The following SCHIP1 variants were observed in gnomAD, a reference collection of about 807,000 sequenced individuals.
SCHIP1 encodes schwannomin-interacting protein 1.
SCHIP1 carries 8 observed loss-of-function variants against 29.7 expected under a neutral mutation model. The observed-to-expected ratio is 0.27, with a 90% CI of 0.16 to 0.49. SCHIP1 has a LOEUF of 0.49. Among genes scored for constraint, SCHIP1 ranks in the 20% least tolerant of loss-of-function variants. The pLI is 0.99. For synonymous variants in SCHIP1, 76 were observed against 94.9 expected (o/e 0.80, Z 1.16); for missense variants, 193 against 294.6 (o/e 0.66, Z 2.52).
At chr3:159,356,816 C>T in the SCHIP1 span, among the ~76,000 whole-genome samples, 1 of 152,164 alleles carries the variant, frequency 6.6e-6, no homozygotes, top group African/African-American at 2.4e-5. Context: ...ACAGATAGAA[C>T]AGAGCTTTCA....
chr3:159,821,963 T>A, the SCHIP1 span, among the ~76,000 whole-genome samples: 1 of 152,214 alleles, frequency 6.6e-6, no homozygotes, highest in African/African-American at 2.4e-5. Flanking sequence ...GACAAAGAGA[T>A]GATTCGGTCC....
chr3:159,511,611 G>A, the SCHIP1 span, among the ~76,000 whole-genome samples: 3 of 152,158 alleles, frequency 2.0e-5, no homozygotes, highest in South Asian at 2.1e-4. Context: ...TCTTGGAACC[G>A]CACCCTGAGC....
At chr3:159,655,090 T>C in the SCHIP1 span, among the ~76,000 whole-genome samples, 47 of 152,350 alleles carry the variant, frequency 3.1e-4, no homozygotes, top group African/African-American at 1.1e-3. Flanking sequence ...CTCCCAGCTC[T>C]ACCATTTATT....
the SCHIP1 span, among the ~76,000 whole-genome samples, chr3:159,404,328 C>T: frequency 3.3e-5 from 5 of 152,116 alleles, no homozygotes; most frequent in African/African-American, 4.8e-5. Flanking sequence ...ACCAAGTGGA[C>T]TCTTGGGATG....
At chr3:159,616,037 T>G in the SCHIP1 span, among the ~76,000 whole-genome samples, 2 of 152,190 alleles carry the variant, frequency 1.3e-5, no homozygotes, top group Non-Finnish European at 2.9e-5. Context: ...AACCTAGAGT[T>G]GCTTCTCTTT....
chr3:159,786,956 G>A, the SCHIP1 span, among the ~76,000 whole-genome samples: 3 of 152,244 alleles, frequency 2.0e-5, no homozygotes, highest in African/African-American at 4.8e-5. Context: ...CACAGTAAGC[G>A]AGTCTGAGTA....
At chr3:159,883,214 CCTT>C (rs1716622368) in intron 2 of SCHIP1, among the ~76,000 whole-genome samples, 1 of 152,136 alleles carries the variant, frequency 6.6e-6, no homozygotes. Context: ...GAATTGGATA[CCTT>C]GAAATTATAT....
chr3:159,520,083 C>A, the SCHIP1 span, among the ~76,000 whole-genome samples: 1 of 145,254 alleles, frequency 6.9e-6, no homozygotes, highest in African/African-American at 2.6e-5. Context: ...AAGACACAAT[C>A]TCCCTCATCA....
At chr3:159,300,227 G>A in the SCHIP1 span, among the ~76,000 whole-genome samples, 1 of 145,566 alleles carries the variant, frequency 6.9e-6, no homozygotes, top group East Asian at 2.1e-4. Flanking sequence ...CTGGACTCAA[G>A]GAATCCTCCT....
the SCHIP1 span, among the ~76,000 whole-genome samples, chr3:159,834,656 T>G: frequency 6.6e-6 from 1 of 152,208 alleles, no homozygotes; most frequent in Non-Finnish European, 1.5e-5. Flanking sequence ...TCTGAAATGC[T>G]GCAAAGTCCC....
At chr3:159,514,544 T>C in the SCHIP1 span, among the ~76,000 whole-genome samples, 2 of 152,254 alleles carry the variant, frequency 1.3e-5, no homozygotes, top group African/African-American at 2.4e-5. Flanking sequence ...TCATTGCCGA[T>C]GAAGAAGTGC....
chr3:159,507,795 C>T, the SCHIP1 span, among the ~76,000 whole-genome samples: 2 of 152,176 alleles, frequency 1.3e-5, no homozygotes, highest in Non-Finnish European at 2.9e-5. Flanking sequence ...GTTGAACCAG[C>T]CTTGCATCCC....
At chr3:159,819,889 C>T in the SCHIP1 span, among the ~76,000 whole-genome samples, 9 of 152,266 alleles carry the variant, frequency 5.9e-5, no homozygotes, top group Admixed American at 5.9e-4. Context: ...TTCCTGTCAC[C>T]CTTAGGTGAG....
the SCHIP1 span, among the ~76,000 whole-genome samples, chr3:159,788,716 A>G: frequency 6.6e-6 from 1 of 152,216 alleles, no homozygotes; most frequent in African/African-American, 2.4e-5. Context: ...ATACAGTGCT[A>G]AAAATAAAAA....
At chr3:159,794,604 C>T in the SCHIP1 span, among the ~76,000 whole-genome samples, 3 of 152,318 alleles carry the variant, frequency 2.0e-5, no homozygotes, top group Non-Finnish European at 4.4e-5. Flanking sequence ...GAACTCACCT[C>T]TAGTGGTCAG....
chr3:159,875,059 C>G (rs1034137823), intron 2 of SCHIP1, among the ~76,000 whole-genome samples: 8 of 150,582 alleles, frequency 5.3e-5, no homozygotes, highest in African/African-American at 2.0e-4. Context: ...TTATGCCCCT[C>G]CTCTAAGGAT....
the SCHIP1 span, among the ~76,000 whole-genome samples, chr3:159,478,198 C>T: frequency 3.3e-5 from 5 of 152,142 alleles, no homozygotes; most frequent in African/African-American, 1.2e-4. Context: ...GCTGGGATTA[C>T]AGGCATGAGC....
intron 4 of SCHIP1, chr3:159,888,359 A>G (rs1717160432): frequency 4.8e-6 from 1 of 206,984 alleles, no homozygotes; most frequent in East Asian, 1.2e-4. Context: ...AAGTTACTTA[A>G]GTCTCAGTTT....
At chr3:159,662,438 T>C in the SCHIP1 span, among the ~76,000 whole-genome samples, 1 of 152,182 alleles carries the variant, frequency 6.6e-6, no homozygotes, top group South Asian at 2.1e-4. Flanking sequence ...GACAATTTAA[T>C]TCCTATGAAC....
Sources: allele counts gnomAD v4.1 joint callset (sites outside exome capture counted in the v4.1 genomes callset), GRCh38; gene constraint gnomAD v4.1.1; transcripts MANE v1.5; gene names NCBI Gene and HGNC (gene_info 2026-07-23, HGNC 2026-07-21).